Variants in USP34 observed in about 807,000 individuals in gnomAD.
The protein encoded by USP34 is ubiquitin carboxyl-terminal hydrolase 34.
A neutral mutation model predicts 460.3 loss-of-function variants in USP34; 70 were observed. That is an observed-to-expected ratio of 0.15 (90% CI 0.13 to 0.19). USP34 has a LOEUF of 0.19. Among genes scored for constraint, USP34 ranks in the 10% least tolerant of loss-of-function variants. The probability of loss-of-function intolerance (pLI) is 1.00; values close to 1 mark genes in which losing one functional copy is unlikely to be tolerated. For missense variants in USP34, 3,985 were observed against 4,236.2 expected (o/e 0.94, Z 1.65); for synonymous variants, 1,647 against 1,405.3 (o/e 1.17, Z -3.85).
At chr2:61,191,021 A>T (rs1443576868) in intron 76 of USP34, 1 of 174,306 alleles carries the variant, frequency 5.7e-6, no homozygotes. Flanking sequence ...GGCCAAATTA[A>T]TGTATTTATA....
intron 49 of USP34, 104 bp from the exon 50 acceptor site, chr2:61,246,581 T>C (rs1159065101): frequency 7.7e-6 from 6 of 783,288 alleles, no homozygotes; most frequent in Non-Finnish European, 1.1e-5. Context: ...TTTTAAGTCA[T>C]TTTAATAAAA....
At chr2:61,431,598 G>A (rs770418659) in intron 1 of USP34, among the ~76,000 whole-genome samples, 1 of 152,200 alleles carries the variant, frequency 6.6e-6, no homozygotes, top group African/African-American at 2.4e-5. Flanking sequence ...GCTCACACCT[G>A]TAATCCCAGC....
chr2:61,268,441 A>T (rs1689118299), intron 41 of USP34, among the ~76,000 whole-genome samples: 5 of 82,504 alleles, frequency 6.1e-5, no homozygotes, highest in African/African-American at 1.4e-4. Flanking sequence ...CTGTTGTTAA[A>T]AAAAAAAAAA....
chr2:61,197,381 T>A (rs1686840521), intron 75 of USP34, among the ~76,000 whole-genome samples: 1 of 152,220 alleles, frequency 6.6e-6, no homozygotes, highest in African/African-American at 2.4e-5. Context: ...ATTTTGCGCT[T>A]CTTTTGGATG....
intron 44 of USP34, among the ~76,000 whole-genome samples, chr2:61,259,306 T>C (rs1015640995): frequency 1.3e-5 from 2 of 151,878 alleles, no homozygotes; most frequent in African/African-American, 4.8e-5. Flanking sequence ...GAAAGGTACA[T>C]AGTTATGACA....
chr2:61,302,618 T>C (rs182746731), intron 27 of USP34, among the ~76,000 whole-genome samples: 31 of 152,292 alleles, frequency 2.0e-4, no homozygotes, highest in Admixed American at 2.0e-3. Flanking sequence ...TCCTAAATAT[T>C]AGAAAAAGGG....
chr2:61,350,275 T>A lies in USP34; in HGVS notation c.1492A>T (p.Ile498Phe). The A allele has an allele frequency of 3.1e-6, 5 of 1,603,036 alleles. No homozygotes were observed. Among genetic ancestry groups the A allele is most frequent in the Non-Finnish European group, 4.3e-6 (5 of 1,175,786 alleles). Residue 498 changes from isoleucine (I) to phenylalanine (F), a missense_variant, in exon 12 of 80, where the codon ATT becomes TTT. By Grantham distance (21) the Ile-to-Phe change is conservative. This residue lies in a region of USP34 where 716 missense variants were observed against 626.2 expected (regional missense o/e 1.14). Transcript: ENST00000398571. Reference sequence around the variant, plus strand: ...CATTACTAACCTTTCTTATTTCCAATGGGAATATTAGTATTTAATAAAGAT... The same window carrying A: ...CATTACTAACCTTTCTTATTTCCAAAGGGAATATTAGTATTTAATAAAGAT... ...FASLLNTNIPIGNKKEEEELR... is the reference protein window; with the variant it reads ...FASLLNTNIPFGNKKEEEELR...
At chr2:61,361,718 G>A (rs1692280908) in intron 10 of USP34, among the ~76,000 whole-genome samples, 1 of 152,092 alleles carries the variant, frequency 6.6e-6, no homozygotes, top group Non-Finnish European at 1.5e-5. Context: ...CTACTAGAAG[G>A]TGACACAGGT....
chr2:61,318,134 A>G (rs1690806301), intron 22 of USP34, among the ~76,000 whole-genome samples: 1 of 149,056 alleles, frequency 6.7e-6, no homozygotes, highest in Admixed American at 6.9e-5. Context: ...TCAAGGCTAC[A>G]GTGAGACGTG....
chr2:61,349,980 G>C (rs1405334353), intron 12 of USP34, among the ~76,000 whole-genome samples: 1 of 151,590 alleles, frequency 6.6e-6, no homozygotes. Flanking sequence ...AACAAAACTT[G>C]TTTGTTTACA....
chr2:61,348,296 A>G lies in USP34; in HGVS notation c.1859T>C (p.Leu620Pro). 6.2e-7 allele frequency: 1 copy of G among 1,614,128 alleles called. No individual in the cohort carries two copies. The highest frequency in any genetic ancestry group is 8.5e-7 in the Non-Finnish European group (1 of 1,180,026). The change falls in exon 15 of 80, where the codon CTC (leucine) becomes CCC (proline). Residue 620 changes from leucine to proline, a missense_variant. Leu to Pro is a moderately conservative substitution (Grantham distance 98). This residue lies in a region of USP34 where 716 missense variants were observed against 626.2 expected (regional missense o/e 1.14). Transcript: ENST00000398571. The stretch of plus-strand genomic sequence containing the variant: ...ATCATCGTCTTCATCTTCCTCTTTG[A>G]GGGCTTCAATATCTGCAATGTCTTC... ...QSEDIADIEA[L>P]KEEDEDDDHG...
chr2:61,199,378 C>T (rs967157541), intron 75 of USP34, among the ~76,000 whole-genome samples: 17 of 152,256 alleles, frequency 1.1e-4, no homozygotes, highest in Admixed American at 5.2e-4. Context: ...GCCTCAGCCA[C>T]CCGAGTAGCT....
chr2:61,268,260 T>C (rs1047141210), intron 41 of USP34, among the ~76,000 whole-genome samples: 8 of 151,628 alleles, frequency 5.3e-5, no homozygotes, highest in African/African-American at 1.9e-4. Flanking sequence ...CCGGGTACAA[T>C]GGCTCACATC....
At chr2:61,329,384 C>T (rs1381807703) in intron 20 of USP34, among the ~76,000 whole-genome samples, 22 of 152,032 alleles carry the variant, frequency 1.4e-4, no homozygotes, top group Admixed American at 1.4e-3. Context: ...CCACCATTAT[C>T]GTCAAACTCT....
intron 44 of USP34, among the ~76,000 whole-genome samples, chr2:61,259,460 T>G (rs1349254563): frequency 2.0e-5 from 3 of 151,940 alleles, no homozygotes; most frequent in African/African-American, 7.3e-5. Flanking sequence ...AGATCTCAGC[T>G]TGCTGCAACC....
intron 1 of USP34, among the ~76,000 whole-genome samples, chr2:61,452,193 GA>G (rs1695300445): frequency 2.0e-5 from 3 of 148,528 alleles, no homozygotes; most frequent in African/African-American, 7.4e-5. Context: ...AAAAAAGAAA[GA>G]AAAAGACTTA....
intron 2 of USP34, among the ~76,000 whole-genome samples, chr2:61,417,731 CT>C (rs1209239161): frequency 3.1e-5 from 3 of 95,252 alleles, no homozygotes; most frequent in Non-Finnish European, 4.2e-5. Context: ...TTTTTTTTTT[CT>C]TTTTTTCTTT....
chr2:61,423,783 A>C (rs1694430060), intron 1 of USP34, among the ~76,000 whole-genome samples: 1 of 152,134 alleles, frequency 6.6e-6, no homozygotes, highest in Admixed American at 6.5e-5. Flanking sequence ...ATCTCTAAAA[A>C]TATGTATATT....
Position 61,350,648 on chromosome 2 carries a change from T to C in USP34, c.1297A>G (p.Ile433Val), listed in dbSNP as rs1691917417. 2.5e-6 allele frequency: 4 copies of C among 1,613,814 alleles called. No homozygotes were observed. The highest frequency in any genetic ancestry group is 3.4e-6 in the Non-Finnish European group (4 of 1,179,886). The change falls in exon 11 of 80, where the codon ATC (isoleucine) becomes GTC (valine). Residue 433 changes from isoleucine (I) to valine (V), a missense_variant. Coordinates refer to ENST00000398571, the MANE Select transcript of USP34 (RefSeq NM_014709.4). ...RYIHDLFPSL[I>V]KNLDPVPLRH... ...AGTGGTACGGGATCCAAATTCTTGA[T>C]GAGTGAAGGAAATAAGTCATGTATA...
Sources: gnomAD v4.1 joint callset for allele counts (sites outside exome capture counted in the v4.1 genomes callset) on GRCh38, gnomAD v4.1.1 for gene constraint, gnomAD v4.1.1 regional missense constraint, MANE v1.5 for transcripts, NCBI Gene and HGNC (gene_info 2026-07-23, HGNC 2026-07-21) for gene names.